Variants in ZNF385D observed in about 807,000 individuals in gnomAD.
The protein encoded by ZNF385D is zinc finger protein 385D, also known as zinc finger protein 659.
A neutral mutation model predicts 35.8 loss-of-function variants in ZNF385D; 15 were observed. The observed-to-expected ratio is 0.42, with a 90% CI of 0.28 to 0.64. The LOEUF is 0.64. ZNF385D is among the 30% of genes least tolerant of loss of function. The pLI, the probability that ZNF385D is intolerant of heterozygous loss-of-function variation, is 0.23. For synonymous variants in ZNF385D, 212 were observed against 186.8 expected, an observed-to-expected ratio of 1.13 and a Z score of -1.10; for missense variants, 474 against 494.6, an observed-to-expected ratio of 0.96 and a Z score of 0.39.
At chr3:21,851,933 C>T (rs1696410855) in intron 3 of ZNF385D, among the ~76,000 whole-genome samples, 1 of 152,034 alleles carries the variant, frequency 6.6e-6, no homozygotes, top group Non-Finnish European at 1.5e-5. Flanking sequence ...CACTCCTTGT[C>T]TTGTTGCCCT....
At chr3:22,164,175 A>T (rs1006995929) in intron 3 of ZNF385D, among the ~76,000 whole-genome samples, 2 of 146,684 alleles carry the variant, frequency 1.4e-5, no homozygotes, top group South Asian at 4.4e-4. Context: ...GTTATAAGTG[A>T]GCACTCCTTT....
At chr3:21,495,390 C>G (rs911428210) in intron 4 of ZNF385D, among the ~76,000 whole-genome samples, 1 of 151,914 alleles carries the variant, frequency 6.6e-6, no homozygotes, top group African/African-American at 2.4e-5. Context: ...AGAAATCAAT[C>G]CTAAGAATAT....
chr3:22,371,573 A>C (rs1696906668), intron 2 of ZNF385D, among the ~76,000 whole-genome samples: 1 of 152,234 alleles, frequency 6.6e-6, no homozygotes, highest in Admixed American at 6.5e-5. Context: ...TAAGGGGGAC[A>C]GATCTGGAAT....
intron 3 of ZNF385D, among the ~76,000 whole-genome samples, chr3:21,957,848 C>T (rs998735707): frequency 2.0e-5 from 3 of 152,144 alleles, no homozygotes; most frequent in Admixed American, 1.3e-4. Context: ...TCTCTCCAAC[C>T]TTCACCACCA....
chr3:22,123,741 A>T (rs1352877009), intron 3 of ZNF385D, among the ~76,000 whole-genome samples: 1 of 152,038 alleles, frequency 6.6e-6, no homozygotes, highest in Non-Finnish European at 1.5e-5. Context: ...GGCACCTGTA[A>T]TCTCAGCTAC....
chr3:22,343,195 G>A (rs1264759397), intron 2 of ZNF385D, among the ~76,000 whole-genome samples: 1 of 152,140 alleles, frequency 6.6e-6, no homozygotes, highest in Non-Finnish European at 1.5e-5. Context: ...GTATTTGACA[G>A]CATTGACATA....
chr3:22,187,348 A>T (rs1695706210), intron 2 of ZNF385D, among the ~76,000 whole-genome samples: 1 of 152,154 alleles, frequency 6.6e-6, no homozygotes, highest in Admixed American at 6.6e-5. Flanking sequence ...CTATTTCTCA[A>T]GCTCATGATA....
chr3:22,165,232 T>G (rs997161959), intron 3 of ZNF385D, among the ~76,000 whole-genome samples: 1 of 152,230 alleles, frequency 6.6e-6, no homozygotes, highest in Non-Finnish European at 1.5e-5. Context: ...GTGTTGATAG[T>G]GCGGAAGGCT....
At chr3:21,751,589 T>A (rs1013157153), upstream of ZNF385D, among the ~76,000 whole-genome samples, 1 of 152,086 alleles carries the variant, frequency 6.6e-6, no homozygotes, top group Non-Finnish European at 1.5e-5. Context: ...GTGCCGTGCT[T>A]GCATTCTCTT....
intron 2 of ZNF385D, among the ~76,000 whole-genome samples, chr3:22,274,416 A>G (rs1427857064): frequency 6.6e-6 from 1 of 151,994 alleles, no homozygotes; most frequent in Non-Finnish European, 1.5e-5. Context: ...AGGCCTGGAA[A>G]TAATTATTGA....
At chr3:21,595,531 T>A (rs2064105463) in intron 2 of ZNF385D, among the ~76,000 whole-genome samples, 1 of 150,698 alleles carries the variant, frequency 6.6e-6, no homozygotes, top group Admixed American at 6.6e-5. Context: ...ATGTATGTAA[T>A]ATATACATAG....
intron 2 of ZNF385D, among the ~76,000 whole-genome samples, chr3:21,615,503 TATCA>T (rs1461633057): frequency 6.6e-6 from 1 of 152,144 alleles, no homozygotes; most frequent in Non-Finnish European, 1.5e-5. Context: ...GTATGCTCCA[TATCA>T]AAATGTAACA....
intron 3 of ZNF385D, among the ~76,000 whole-genome samples, chr3:21,863,252 C>T (rs1284860054): frequency 6.6e-6 from 1 of 152,072 alleles, no homozygotes; most frequent in East Asian, 1.9e-4. Flanking sequence ...TTCTTGATTT[C>T]ATCATTTGTC....
At chr3:22,205,379 C>A (rs1697079733) in intron 2 of ZNF385D, among the ~76,000 whole-genome samples, 1 of 150,654 alleles carries the variant, frequency 6.6e-6, no homozygotes, top group Non-Finnish European at 1.5e-5. Context: ...AGAAGTTCTA[C>A]AATCTTAAAG....
chr3:21,697,910 A>G (rs2067528848), intron 1 of ZNF385D, among the ~76,000 whole-genome samples: 2 of 152,234 alleles, frequency 1.3e-5, no homozygotes, highest in Admixed American at 1.3e-4. Flanking sequence ...ACCATCTTAC[A>G]CCAGTCAGAA....
At chr3:22,205,595 AG>A (rs1292365773) in intron 2 of ZNF385D, among the ~76,000 whole-genome samples, 1 of 152,012 alleles carries the variant, frequency 6.6e-6, no homozygotes, top group Admixed American at 6.6e-5. Context: ...AAAGTTAAAA[AG>A]CAGGGGAATG....
At chr3:21,854,921 C>T (rs1344408235) in intron 3 of ZNF385D, among the ~76,000 whole-genome samples, 6 of 151,824 alleles carry the variant, frequency 4.0e-5, no homozygotes, top group African/African-American at 1.5e-4. Context: ...TAATTAATGT[C>T]TTCATTAATC....
intron 2 of ZNF385D, among the ~76,000 whole-genome samples, chr3:22,200,295 G>A (rs1830242): frequency 0.61 from 92,812 of 151,878 alleles, 30,744 homozygotes; most frequent in African/African-American, 0.87. Flanking sequence ...GGTTTGAGAA[G>A]TAAAGGGACA....
chr3:21,602,232 C>T (rs1389845680), intron 2 of ZNF385D, among the ~76,000 whole-genome samples: 1 of 151,992 alleles, frequency 6.6e-6, no homozygotes, highest in Non-Finnish European at 1.5e-5. Flanking sequence ...CCATGTGGCC[C>T]CACCCTTGAC....
Sources: allele counts gnomAD v4.1 joint callset (sites outside exome capture counted in the v4.1 genomes callset), GRCh38; gene constraint gnomAD v4.1.1; transcripts MANE v1.5; gene names NCBI Gene and HGNC (gene_info 2026-07-23, HGNC 2026-07-21).